THSD4: variants seen among roughly 807,000 people sequenced by gnomAD.
The protein encoded by THSD4 is thrombospondin type 1 domain containing 4.
In THSD4, 69 loss-of-function variants were observed where a neutral mutation model predicts 119.0. The ratio of observed to expected loss-of-function variants is 0.58; its 90% confidence interval spans 0.48 to 0.71. THSD4 has a LOEUF of 0.71. THSD4 is among the 30% of genes least tolerant of loss of function. THSD4 has a pLI of 0.00. For synonymous variants in THSD4, 524 were observed against 540.4 expected, an observed-to-expected ratio of 0.97 and a Z score of 0.42; for missense variants, 1,393 against 1,391.1, an observed-to-expected ratio of 1.00 and a Z score of -0.02.
intron 7 of THSD4, among the ~76,000 whole-genome samples, chr15:71,554,392 G>A (rs761594693): frequency 1.3e-5 from 2 of 151,116 alleles, no homozygotes; most frequent in Non-Finnish European, 2.9e-5. Flanking sequence ...ACCATGCCCC[G>A]GTTTTTTTTG....
chr15:71,559,364 C>G (rs765578588), intron 7 of THSD4, among the ~76,000 whole-genome samples: 3 of 152,160 alleles, frequency 2.0e-5, no homozygotes, highest in Non-Finnish European at 4.4e-5. Context: ...TTCTTGCCAA[C>G]ATAAACTTTC....
intron 10 of THSD4, among the ~76,000 whole-genome samples, chr15:71,736,135 T>C (rs1272526745): frequency 3.6e-4 from 37 of 103,902 alleles, no homozygotes; most frequent in African/African-American, 1.4e-3. Flanking sequence ...GTCTCTCTCT[T>C]GCTCTCTCTC....
intron 6 of THSD4, among the ~76,000 whole-genome samples, chr15:71,263,398 A>G (rs2044426372): frequency 6.7e-6 from 1 of 150,284 alleles, no homozygotes. Flanking sequence ...GGTTGATTCC[A>G]TGTCTTTACT....
chr15:71,336,632 T>A (rs77168308), intron 6 of THSD4, among the ~76,000 whole-genome samples: 1 of 152,234 alleles, frequency 6.6e-6, no homozygotes, highest in Non-Finnish European at 1.5e-5. Context: ...TAAAGTGTTA[T>A]ATTTCTGTAA....
chr15:71,607,662 GT>G (rs1400706243), intron 7 of THSD4, among the ~76,000 whole-genome samples: 2 of 152,194 alleles, frequency 1.3e-5, no homozygotes, highest in African/African-American at 4.8e-5. Context: ...GCCGTACTGA[GT>G]AGGGCTTAAT....
At chr15:71,293,590 G>T (rs768976141) in intron 6 of THSD4, among the ~76,000 whole-genome samples, 1 of 152,036 alleles carries the variant, frequency 6.6e-6, no homozygotes, top group African/African-American at 2.4e-5. Context: ...GGGCTACTGG[G>T]GTGTCTGTCA....
At chr15:71,724,288 T>TATATA (rs1491162842) in intron 8 of THSD4, among the ~76,000 whole-genome samples, 1,458 of 31,224 alleles carry the variant, frequency 0.047, 39 homozygotes, top group African/African-American at 0.12. Context: ...TATATATATA[T>TATATA]TTTTTTTTTC....
intron 7 of THSD4, among the ~76,000 whole-genome samples, chr15:71,567,810 G>T (rs984562045): frequency 2.6e-5 from 4 of 151,620 alleles, no homozygotes; most frequent in African/African-American, 4.9e-5. Flanking sequence ...GGTGTGTGTG[G>T]GTGTGTGTGT....
chr15:71,603,769 C>T (rs1477710423), intron 7 of THSD4, among the ~76,000 whole-genome samples: 1 of 152,124 alleles, frequency 6.6e-6, no homozygotes, highest in Non-Finnish European at 1.5e-5. Context: ...ACGCAGTGGG[C>T]ATGGGCCATG....
chr15:71,523,174 A>T (rs937177892), intron 7 of THSD4, among the ~76,000 whole-genome samples: 1 of 152,208 alleles, frequency 6.6e-6, no homozygotes, highest in African/African-American at 2.4e-5. Context: ...GAAACAACAG[A>T]AATCAATTCT....
At chr15:71,148,442 C>A (rs1183439298) in intron 2 of THSD4, among the ~76,000 whole-genome samples, 1 of 152,236 alleles carries the variant, frequency 6.6e-6, no homozygotes, top group Non-Finnish European at 1.5e-5. Context: ...CTTGGTGCCT[C>A]TGAGCCATCT....
At chr15:71,465,217 T>C (rs2047483068) in intron 7 of THSD4, among the ~76,000 whole-genome samples, 1 of 152,344 alleles carries the variant, frequency 6.6e-6, no homozygotes, top group Middle Eastern at 3.4e-3. Flanking sequence ...ACAAGGTTTT[T>C]ATTAATGGAA....
intron 5 of THSD4, among the ~76,000 whole-genome samples, chr15:71,247,113 G>A: frequency 6.6e-6 from 1 of 152,012 alleles, no homozygotes; most frequent in Admixed American, 6.6e-5. Context: ...GGCCAAGCTG[G>A]TCTCCAACTC....
At chr15:71,214,297 C>T (rs924691399) in intron 3 of THSD4, among the ~76,000 whole-genome samples, 3 of 152,210 alleles carry the variant, frequency 2.0e-5, no homozygotes, top group Non-Finnish European at 4.4e-5. Context: ...CCGCAACTTG[C>T]TGAGGTATCT....
intron 8 of THSD4, among the ~76,000 whole-genome samples, chr15:71,725,604 A>G (rs984686093): frequency 1.3e-5 from 2 of 152,136 alleles, no homozygotes; most frequent in African/African-American, 4.8e-5. Flanking sequence ...AGTGTTTCAA[A>G]TAGGATGGAA....
chr15:71,206,960 G>C (rs62017767), intron 3 of THSD4, among the ~76,000 whole-genome samples: 12,648 of 152,148 alleles, frequency 0.083, 570 homozygotes, highest in East Asian at 0.18. Context: ...CACCTTCCAG[G>C]CTCTGTTCCT....
At chr15:71,532,283 A>AGAGAGAGAGAGAGG (rs1379506089) in intron 7 of THSD4, among the ~76,000 whole-genome samples, 1 of 101,574 alleles carries the variant, frequency 9.8e-6, no homozygotes. Flanking sequence ...AGAGAGAGAG[A>AGAGAGAGAGAGAGG]GTGTGTGTGT....
intron 7 of THSD4, among the ~76,000 whole-genome samples, chr15:71,631,466 G>C (rs2050627683): frequency 6.6e-6 from 1 of 152,198 alleles, no homozygotes; most frequent in South Asian, 2.1e-4. Flanking sequence ...GTCGTCTTTA[G>C]TGGTTAGTAG....
chr15:71,292,433 T>C (rs1389131352), intron 6 of THSD4, among the ~76,000 whole-genome samples: 1 of 152,200 alleles, frequency 6.6e-6, no homozygotes, highest in Non-Finnish European at 1.5e-5. Context: ...GAATGCTGTT[T>C]TGGACAGCAT....
Sources: gnomAD v4.1 joint callset for allele counts (sites outside exome capture counted in the v4.1 genomes callset) on GRCh38, gnomAD v4.1.1 for gene constraint, MANE v1.5 for transcripts, NCBI Gene and HGNC (gene_info 2026-07-23, HGNC 2026-07-21) for gene names.